CRB1: variants seen among roughly 807,000 people sequenced by gnomAD.
The protein encoded by CRB1 is crumbs cell polarity complex component 1.
A neutral mutation model predicts 120.0 loss-of-function variants in CRB1; 83 were observed. That is an observed-to-expected ratio of 0.69 (90% CI 0.58 to 0.83). CRB1 has a LOEUF of 0.83. Among genes scored for constraint, CRB1 ranks in the 40% least tolerant of loss-of-function variants. CRB1 has a pLI of 0.00. For missense variants in CRB1, 1,699 were observed against 1,687.6 expected, an observed-to-expected ratio of 1.01 and a Z score of -0.12; for synonymous variants, 625 against 612.5, an observed-to-expected ratio of 1.02 and a Z score of -0.30.
At chr1:197,353,322 A>G (rs1162333956) in intron 4 of CRB1, among the ~76,000 whole-genome samples, 2 of 152,216 alleles carry the variant, frequency 1.3e-5, no homozygotes, top group African/African-American at 4.8e-5. Flanking sequence ...GAGTTTTTAC[A>G]GTTATGTTAA....
At chr1:197,322,890 T>G (rs1355785985) in intron 1 of CRB1, among the ~76,000 whole-genome samples, 1 of 152,124 alleles carries the variant, frequency 6.6e-6, no homozygotes, top group Non-Finnish European at 1.5e-5. Flanking sequence ...TATTTTACAG[T>G]CTGGGCATCC....
chr1:197,348,209 C>G (rs909735720), intron 4 of CRB1, among the ~76,000 whole-genome samples: 5 of 152,186 alleles, frequency 3.3e-5, no homozygotes, highest in African/African-American at 1.2e-4. Context: ...GTATCACTCA[C>G]TATCCATGGG....
intron 1 of CRB1, among the ~76,000 whole-genome samples, chr1:197,287,419 A>G (rs1205820826): frequency 1.3e-5 from 2 of 151,882 alleles, no homozygotes; most frequent in African/African-American, 2.4e-5. Flanking sequence ...ACCCATCAAC[A>G]TAGACTTACT....
At chr1:197,390,281 C>T (rs1437279008) in intron 5 of CRB1, among the ~76,000 whole-genome samples, 1 of 151,924 alleles carries the variant, frequency 6.6e-6, no homozygotes, top group African/African-American at 2.4e-5. Context: ...TTTTAAATAA[C>T]AATAGAGAAG....
chr1:197,347,958 C>CTT (rs57682620), intron 4 of CRB1, among the ~76,000 whole-genome samples: 35,188 of 151,968 alleles, frequency 0.23, 7,804 homozygotes, highest in African/African-American at 0.58. Flanking sequence ...GATAATTAGA[C>CTT]GAGTATAGAG....
chr1:197,335,256 T>C (rs539949395), intron 2 of CRB1, among the ~76,000 whole-genome samples: 4 of 152,336 alleles, frequency 2.6e-5, no homozygotes, highest in Middle Eastern at 3.4e-3. Flanking sequence ...TAGGCCATTG[T>C]AAGGACTTTG....
rs1304505710 is a variant in CRB1, at chr1:197,385,816, TTC to T, written c.1171+28807_1171+28808del. On this transcript the variant is annotated intron_variant, in intron 5 of 11. Transcript: ENST00000367400. ...GAAAATACATAGTTAACATTTAAGA[TTC>T]TCTTTTTAATGACCCAAAAATGATA... Among the ~76,000 whole-genome samples, 3 of 152,076 alleles carry T rather than the reference TTC, an allele frequency of 2.0e-5. No homozygotes were observed. In the East Asian group the frequency reaches 5.8e-4, roughly 30 times the overall value.
At chr1:197,220,228 A>G in the CRB1 span, among the ~76,000 whole-genome samples, 1 of 152,262 alleles carries the variant, frequency 6.6e-6, no homozygotes, top group African/African-American at 2.4e-5. Flanking sequence ...GTTAAATAAT[A>G]AAACAAATTG....
intron 5 of CRB1, among the ~76,000 whole-genome samples, chr1:197,396,751 A>G (rs543014963): frequency 1.3e-5 from 2 of 152,300 alleles, no homozygotes; most frequent in African/African-American, 4.8e-5. Context: ...AGCACAATGC[A>G]TGCAGCCATA....
In CRB1 at chr1:197,420,864, G is replaced by A. The variant is rs1558125010; in HGVS notation, c.1172-136G>A. On this transcript the variant is annotated intron_variant, in intron 5 of 11. Transcript: ENST00000367400. The stretch of plus-strand genomic sequence containing the variant: ...TTGATTTTACTTTTCCTTATTAAGT[G>A]TTTACATTTTACTCCATTACAGTCC... 4 of 686,106 alleles carry A rather than the reference G, an allele frequency of 5.8e-6. No individual in the cohort carries two copies. The Admixed American group carries it at 9.1e-5, about 16-fold the overall frequency. 42.5% of individuals were successfully genotyped at this position (686,106 alleles called of 1,614,324 possible).
At chr1:197,356,093 A>C (rs546312653) in intron 4 of CRB1, among the ~76,000 whole-genome samples, 1 of 152,378 alleles carries the variant, frequency 6.6e-6, no homozygotes, top group Admixed American at 6.5e-5. Flanking sequence ...AGTTAGATCT[A>C]TATTACTAAC....
intron 1 of CRB1, among the ~76,000 whole-genome samples, chr1:197,282,602 C>T (rs1413588664): frequency 6.6e-6 from 1 of 151,802 alleles, no homozygotes; most frequent in East Asian, 1.9e-4. Flanking sequence ...AAACACAGTC[C>T]AGTAATCAAA....
intron 4 of CRB1, among the ~76,000 whole-genome samples, chr1:197,353,572 G>A (rs941556016): frequency 5.3e-5 from 8 of 151,954 alleles, no homozygotes; most frequent in African/African-American, 1.5e-4. Flanking sequence ...AGGCCGAGGC[G>A]CGTGGATCAC....
At chr1:197,340,081 A>G (rs1659364391) in intron 2 of CRB1, among the ~76,000 whole-genome samples, 1 of 152,232 alleles carries the variant, frequency 6.6e-6, no homozygotes. Context: ...TTTTGTAGAT[A>G]AAATAGAAAA....
chr1:197,398,363 AAG>A (rs1353137906), intron 5 of CRB1, among the ~76,000 whole-genome samples: 3 of 152,136 alleles, frequency 2.0e-5, no homozygotes, highest in Non-Finnish European at 4.4e-5. Flanking sequence ...CATTGTAAAC[AAG>A]GGCATCACTT....
the CRB1 span, among the ~76,000 whole-genome samples, chr1:197,207,268 G>C: frequency 6.6e-6 from 1 of 151,498 alleles, no homozygotes; most frequent in Non-Finnish European, 1.5e-5. Context: ...TTTGTTGCCT[G>C]AATACCTTGC....
chr1:197,211,585 A>G, the CRB1 span, among the ~76,000 whole-genome samples: 56 of 152,156 alleles, frequency 3.7e-4, no homozygotes, highest in Middle Eastern at 3.2e-3. Flanking sequence ...TGGTCCTTTT[A>G]TTATAAGGTG....
intron 5 of CRB1, chr1:197,363,734 G>C (rs1256537908): frequency 3.8e-6 from 2 of 524,440 alleles, no homozygotes; most frequent in Admixed American, 2.7e-5. Context: ...GCATCCTGTG[G>C]TGCCTCCTTG....
At chr1:197,333,412 A>G (rs559695308) in intron 2 of CRB1, among the ~76,000 whole-genome samples, 1 of 152,348 alleles carries the variant, frequency 6.6e-6, no homozygotes, top group South Asian at 2.1e-4. Context: ...TTTTAGTTCA[A>G]TTTCATGCAA....
Sources: allele counts gnomAD v4.1 joint callset (sites outside exome capture counted in the v4.1 genomes callset), GRCh38; gene constraint gnomAD v4.1.1; transcripts MANE v1.5; gene names NCBI Gene and HGNC (gene_info 2026-07-23, HGNC 2026-07-21).